The following DNAH11 variants were observed in gnomAD, a reference collection of about 807,000 sequenced individuals.
DNAH11 encodes the protein dynein axonemal heavy chain 11.
A neutral mutation model predicts 526.0 loss-of-function variants in DNAH11; 442 were observed. That is an observed-to-expected ratio of 0.84 (90% confidence interval 0.78 to 0.91). The LOEUF is 0.91. DNAH11 is among the 40% of genes least tolerant of loss of function. DNAH11 has a pLI of 0.00. For missense variants in DNAH11, 6,989 were observed against 5,448.7 expected, an observed-to-expected ratio of 1.28 and a Z score of -8.90; for synonymous variants, 2,461 against 1,935.9, an observed-to-expected ratio of 1.27 and a Z score of -7.12.
chr7:21,734,755 G>C (rs1306909394), intron 45 of DNAH11, among the ~76,000 whole-genome samples: 4 of 152,146 alleles, frequency 2.6e-5, no homozygotes. Context: ...CTACTTGGGA[G>C]GCTGAGGTGG....
Position 21,789,231 on chromosome 7 carries a change from G to A in DNAH11, c.9925-10G>A. ...CCTCTTTGTATCTGTATTAATTCAT[G>A]AATTTTCAGGTCTACTGTGATGTGG... On this transcript the variant is annotated splice_polypyrimidine_tract_variant and intron_variant, in intron 60 of 81. Transcript: ENST00000409508. The A allele has an allele frequency of 1.3e-6, 2 of 1,551,798 alleles. No individual in the cohort carries two copies. Among genetic ancestry groups the A allele is most frequent in the South Asian group, 2.4e-5 (2 of 84,212 alleles).
chr7:21,578,537 G>C (rs1218624470), intron 8 of DNAH11, among the ~76,000 whole-genome samples: 1 of 152,206 alleles, frequency 6.6e-6, no homozygotes, highest in African/African-American at 2.4e-5. Context: ...TCTACCAGCT[G>C]TCAGTGGATC....
intron 66 of DNAH11, among the ~76,000 whole-genome samples, chr7:21,847,695 G>A (rs1287942713): frequency 6.6e-6 from 1 of 152,174 alleles, no homozygotes; most frequent in Non-Finnish European, 1.5e-5. Flanking sequence ...GATTGATGAT[G>A]ATGCACAGTT....
Position 21,749,048 on chromosome 7 carries a change from C to T in DNAH11, c.8673+306C>T, listed in dbSNP as rs538971830. The stretch of plus-strand genomic sequence containing the variant: ...TGTTTTCTATTAATCAAACCTGATG[C>T]GTATTGCTGTTAGTGTTCCTGTATG... On this transcript the variant is annotated intron_variant, in intron 52 of 81. Coordinates refer to ENST00000409508, the MANE Select transcript of DNAH11 (RefSeq NM_001277115.2). 7.6e-4 allele frequency among the ~76,000 whole-genome samples: 116 copies of T among 152,172 alleles called. 1 individual carries two copies. Among genetic ancestry groups the T allele is most frequent in the Middle Eastern group, 3.4e-3 (1 of 294 alleles).
chr7:21,595,886 G>A (rs916587535), intron 14 of DNAH11, among the ~76,000 whole-genome samples: 2 of 152,068 alleles, frequency 1.3e-5, no homozygotes, highest in African/African-American at 4.8e-5. Context: ...CCAGGGAGAA[G>A]AAGGACCAGC....
chr7:21,843,597 C>T (rs1782300568), intron 66 of DNAH11, among the ~76,000 whole-genome samples: 1 of 151,624 alleles, frequency 6.6e-6, no homozygotes, highest in African/African-American at 2.4e-5. Flanking sequence ...TCTTCTGCCT[C>T]AGCTTCCCGA....
At position 21,786,690 on chromosome 7, in the gene DNAH11, G is replaced by A. The variant is rs535546772; in HGVS notation, c.9664G>A (p.Val3222Met). 1.1e-5 allele frequency: 18 copies of A among 1,613,804 alleles called. No individual in the cohort carries two copies. The highest frequency in any genetic ancestry group is 8.9e-5 in the East Asian group (4 of 44,886). The change falls in exon 59 of 82, where the codon GTG becomes ATG. Residue 3222 changes from valine (V) to methionine (M), a missense_variant. Val to Met is a conservative substitution (Grantham distance 21). Transcript: ENST00000409508. ...CGCAGTTACCAATGTTACTGCAGCC[G>A]TGATGGTCCTTCTGGCTCCTCGGGG... is the stretch of plus-strand genomic sequence containing the variant. ...PIAVTNVTAAVMVLLAPRGRV... is the reference protein window; with the variant it reads ...PIAVTNVTAAMMVLLAPRGRV...
intron 62 of DNAH11, among the ~76,000 whole-genome samples, chr7:21,801,903 A>G (rs1349521626): frequency 6.6e-6 from 1 of 152,168 alleles, no homozygotes; most frequent in Non-Finnish European, 1.5e-5. Context: ...TATAATTCTT[A>G]TTGACATTCT....
intron 28 of DNAH11, among the ~76,000 whole-genome samples, chr7:21,654,031 T>C (rs974991588): frequency 6.6e-6 from 1 of 152,210 alleles, no homozygotes; most frequent in Non-Finnish European, 1.5e-5. Flanking sequence ...TGCTTGGAAA[T>C]GTTTTGTATT....
In DNAH11 at chr7:21,786,605, T is replaced by C. The variant is rs770992531; in HGVS notation, c.9598-19T>C. Reference sequence around the variant, plus strand: ...CGCTAATCCTGTCTGTGTACGTGTTTCTGTGTGCTTTTCTTCAGGTCAACC... The same window carrying C: ...CGCTAATCCTGTCTGTGTACGTGTTCCTGTGTGCTTTTCTTCAGGTCAACC... On this transcript the variant is annotated intron_variant, in intron 58 of 81. Transcript: ENST00000409508. The C allele has an allele frequency of 6.2e-6, 10 of 1,604,602 alleles. No individual in the cohort carries two copies. The highest frequency in any genetic ancestry group is 1.7e-5 in the Admixed American group (1 of 59,804).
At chr7:21,821,811 A>C (rs1186910503) in intron 65 of DNAH11, among the ~76,000 whole-genome samples, 2 of 152,016 alleles carry the variant, frequency 1.3e-5, no homozygotes, top group Non-Finnish European at 2.9e-5. Flanking sequence ...ATTCCTTCTA[A>C]CTGTATTTTT....
intron 9 of DNAH11, among the ~76,000 whole-genome samples, 172 bp from the exon 10 acceptor site, chr7:21,587,892 G>A (rs1784530494): frequency 6.6e-6 from 1 of 152,154 alleles, no homozygotes; most frequent in Admixed American, 6.5e-5. Flanking sequence ...TTTATTGGAT[G>A]TACAGAAATT....
At chr7:21,821,100 T>G (rs188916906) in intron 65 of DNAH11, among the ~76,000 whole-genome samples, 18 of 152,214 alleles carry the variant, frequency 1.2e-4, no homozygotes, top group Admixed American at 6.5e-4. Flanking sequence ...GATATTATGG[T>G]GGGGAAAAAG....
chr7:21,895,673 C>G (rs986955841), intron 79 of DNAH11, among the ~76,000 whole-genome samples: 3 of 152,176 alleles, frequency 2.0e-5, no homozygotes, highest in Admixed American at 6.5e-5. Context: ...CTCAACTATC[C>G]CTGTACCATT....
At chr7:21,635,826 C>G (rs778597990) in intron 25 of DNAH11, 45 bp from the exon 26 acceptor site, 1 of 1,497,736 alleles carries the variant, frequency 6.7e-7, no homozygotes, top group Admixed American at 2.0e-5. Flanking sequence ...CACTCACATT[C>G]TACTAAATTT....
At chr7:21,753,097 GC>G (rs1786481466) in intron 54 of DNAH11, among the ~76,000 whole-genome samples, 1 of 152,162 alleles carries the variant, frequency 6.6e-6, no homozygotes, top group Admixed American at 6.5e-5. Context: ...GTCCAGACTG[GC>G]TCAGTATTAC....
rs200256329 is a variant in DNAH11 at position 21,786,653 on chromosome 7, C to T, written c.9627C>T (p.Pro3209=). 33 of 1,613,114 alleles carry T rather than the reference C, an allele frequency of 2.0e-5. No homozygotes were observed. The highest frequency in any genetic ancestry group is 3.3e-5 in the South Asian group (3 of 90,928). ...ACCTCAGTGAGCTGAAAGCCTTTCCCAACCCTCCCATCGCAGTTACCAATG... is the reference window on the plus strand; with the variant it reads ...ACCTCAGTGAGCTGAAAGCCTTTCCTAACCCTCCCATCGCAGTTACCAATG... ...RVNLSELKAF[P]NPPIAVTNVT... The change falls in exon 59 of 82, where the codon CCC becomes CCT. Residue 3209 remains proline, a synonymous_variant. Coordinates refer to ENST00000409508, the MANE Select transcript of DNAH11 (RefSeq NM_001277115.2).
At chr7:21,843,642 A>G (rs1782303770) in intron 66 of DNAH11, among the ~76,000 whole-genome samples, 1 of 151,818 alleles carries the variant, frequency 6.6e-6, no homozygotes, top group South Asian at 2.1e-4. Context: ...CACCACGCCC[A>G]GCTAATTTTT....
intron 50 of DNAH11, 96 bp downstream of exon 50, chr7:21,744,695 C>CT: frequency 6.6e-7 from 1 of 1,505,032 alleles, no homozygotes; most frequent in Admixed American, 2.3e-5. Flanking sequence ...TGCACAAGGG[C>CT]TTACCTTTTT....
Sources: allele counts gnomAD v4.1 joint callset (sites outside exome capture counted in the v4.1 genomes callset), GRCh38; gene constraint gnomAD v4.1.1; transcripts MANE v1.5; gene names NCBI Gene and HGNC (gene_info 2026-07-23, HGNC 2026-07-21).